NGEF: variants seen among roughly 807,000 people sequenced by gnomAD.
The protein encoded by NGEF is ephexin-1.
Under a neutral mutation model 80.9 loss-of-function variants are expected in NGEF, and 31 were observed. The observed-to-expected ratio is 0.38, with a 90% CI of 0.29 to 0.52. The LOEUF is 0.52. NGEF is among the 20% of genes least tolerant of loss of function. The pLI is 0.84. For missense variants in NGEF, 709 were observed against 926.2 expected, an observed-to-expected ratio of 0.77 and a Z score of 3.04; for synonymous variants, 371 against 370.2, an observed-to-expected ratio of 1.00 and a Z score of -0.03.
intron 1 of NGEF, among the ~76,000 whole-genome samples, chr2:232,995,855 A>G (rs748121912): frequency 6.0e-5 from 9 of 150,426 alleles, no homozygotes; most frequent in Non-Finnish European, 1.3e-4. Context: ...AATATATTGT[A>G]TGTATATACA....
chr2:232,969,104 C>T (rs948660726), intron 3 of NGEF, among the ~76,000 whole-genome samples: 1 of 152,170 alleles, frequency 6.6e-6, no homozygotes, highest in Non-Finnish European at 1.5e-5. Context: ...CTGACTGATA[C>T]AATACCCAAA....
chr2:232,920,658 G>A, intron 4 of NGEF, 73 bp from the exon 5 acceptor site: 1 of 1,426,644 alleles, frequency 7.0e-7, no homozygotes, highest in East Asian at 2.3e-5. Context: ...CCTAAGTCAA[G>A]GCTTCGTGTT....
chr2:232,961,717 C>T (rs534968263), intron 3 of NGEF, among the ~76,000 whole-genome samples: 14 of 152,168 alleles, frequency 9.2e-5, no homozygotes, highest in South Asian at 4.2e-4. Context: ...AGGATGGTCT[C>T]GATCTCCTGA....
chr2:232,950,247 T>C (rs1693650892), intron 3 of NGEF, among the ~76,000 whole-genome samples: 1 of 152,264 alleles, frequency 6.6e-6, no homozygotes, highest in Non-Finnish European at 1.5e-5. Flanking sequence ...GATCTCTTCA[T>C]GAGTTTTGCT....
chr2:232,898,946 A>AT (rs1481945983), intron 5 of NGEF, among the ~76,000 whole-genome samples: 1 of 151,970 alleles, frequency 6.6e-6, no homozygotes, highest in Non-Finnish European at 1.5e-5. Context: ...CTGTGAGAGC[A>AT]TGTAAGTGAA....
intron 8 of NGEF, chr2:232,891,070 G>A (rs901377478): frequency 1.1e-5 from 6 of 533,576 alleles, no homozygotes; most frequent in Admixed American, 2.3e-5. Flanking sequence ...CGCCCCCATC[G>A]CTGCAACTGG....
intron 5 of NGEF, among the ~76,000 whole-genome samples, chr2:232,901,174 C>A (rs535480262): frequency 2.4e-4 from 36 of 152,332 alleles, no homozygotes; most frequent in Non-Finnish European, 4.3e-4. Flanking sequence ...GGCCCCAATT[C>A]CCTGTTACTT....
intron 3 of NGEF, among the ~76,000 whole-genome samples, chr2:232,937,764 C>T (rs1693356866): frequency 6.6e-6 from 1 of 152,162 alleles, no homozygotes; most frequent in South Asian, 2.1e-4. Flanking sequence ...TCAGCTTTTG[C>T]TTGGTATCCC....
At chr2:233,006,298 TG>T (rs780282545) in intron 1 of NGEF, among the ~76,000 whole-genome samples, 1 of 152,150 alleles carries the variant, frequency 6.6e-6, no homozygotes, top group Non-Finnish European at 1.5e-5. Flanking sequence ...AGGGTTTTGC[TG>T]GGAAAAATGC....
chr2:232,894,613 A>G (rs1691995320), intron 6 of NGEF, 143 bp downstream of exon 6: 1 of 915,008 alleles, frequency 1.1e-6, no homozygotes, highest in South Asian at 3.5e-5. Flanking sequence ...TTAGTTCTTC[A>G]TTTATTTATA....
Position 232,906,369 on chromosome 2 carries a change from C to T in NGEF, c.829-11453G>A, listed in dbSNP as rs1263740947. On this transcript the variant is annotated intron_variant, in intron 5 of 14. Coordinates refer to ENST00000264051, the MANE Select transcript of NGEF (RefSeq NM_019850.3). The stretch of plus-strand genomic sequence containing the variant: ...TGGGGGGGGTCAGCCCCCCGCCCGG[C>T]CAGCCGCCCCGTCCGGGAGGGAGGT... Among the ~76,000 whole-genome samples the T allele has an allele frequency of 2.1e-3, 273 of 133,108 alleles. 25 individuals are homozygous for T. The highest frequency in any genetic ancestry group is 3.3e-3 in the Non-Finnish European group (198 of 59,910). The allele number at this position is 133,108 out of a possible 152,430, so 87.3% of individuals were successfully genotyped here. A position where few individuals can be genotyped will look rare whatever the true frequency, so the allele number is the denominator to read the frequency against.
intron 3 of NGEF, among the ~76,000 whole-genome samples, chr2:232,943,775 G>A (rs186839355): frequency 7.9e-5 from 12 of 151,624 alleles, no homozygotes; most frequent in Admixed American, 3.9e-4. Context: ...GATTACAGGC[G>A]TGAGCCACTG....
intron 3 of NGEF, among the ~76,000 whole-genome samples, chr2:232,963,048 G>A (rs939645385): frequency 1.3e-5 from 2 of 151,782 alleles, no homozygotes; most frequent in South Asian, 2.1e-4. Flanking sequence ...TTGACAAACC[G>A]ATTCCAAAAT....
At chr2:232,888,160 C>A in intron 8 of NGEF, 53 bp from the exon 9 acceptor site, 1 of 1,384,140 alleles carries the variant, frequency 7.2e-7, no homozygotes. Context: ...TCTTTCCTCC[C>A]ATTTCCCACC....
chr2:232,952,773 G>A (rs1002692577), intron 3 of NGEF, among the ~76,000 whole-genome samples: 1 of 151,158 alleles, frequency 6.6e-6, no homozygotes, highest in African/African-American at 2.4e-5. Flanking sequence ...TTCGAGACCA[G>A]CCTGGCCAAT....
At chr2:232,891,293 G>A in intron 8 of NGEF, 65 bp downstream of exon 8, 13 of 1,594,298 alleles carry the variant, frequency 8.2e-6, no homozygotes, top group Non-Finnish European at 1.1e-5. Context: ...AGCTGACAGG[G>A]CCCGGGAATG....
At chr2:232,929,236 C>T (rs984962314) in intron 3 of NGEF, among the ~76,000 whole-genome samples, 4 of 152,208 alleles carry the variant, frequency 2.6e-5, no homozygotes, top group Admixed American at 2.0e-4. Flanking sequence ...TTAGCAAATT[C>T]TTCGTTGGGG....
chr2:232,936,072 G>A (rs1693318221), intron 3 of NGEF, among the ~76,000 whole-genome samples: 1 of 152,204 alleles, frequency 6.6e-6, no homozygotes, highest in Non-Finnish European at 1.5e-5. Flanking sequence ...GGGGGAAAGT[G>A]AGGAAAAGGG....
chr2:232,916,975 G>A (rs1005004618), intron 5 of NGEF, among the ~76,000 whole-genome samples: 4 of 152,374 alleles, frequency 2.6e-5, no homozygotes, highest in African/African-American at 7.2e-5. Flanking sequence ...CAGGCGCTCA[G>A]GGCAGAGGCC....
Sources: gnomAD v4.1 joint callset for allele counts (sites outside exome capture counted in the v4.1 genomes callset) on GRCh38, gnomAD v4.1.1 for gene constraint, MANE v1.5 for transcripts, NCBI Gene and HGNC (gene_info 2026-07-23, HGNC 2026-07-21) for gene names.